PRKCB: variants seen among roughly 807,000 people sequenced by gnomAD.
PRKCB encodes the protein protein kinase C beta, also known as protein kinase C beta type.
In PRKCB, 13 loss-of-function variants were observed where a neutral mutation model predicts 81.5. That is an observed-to-expected ratio of 0.16 (90% CI 0.10 to 0.25). PRKCB has a LOEUF of 0.25. PRKCB is among the 10% of genes least tolerant of loss of function. PRKCB has a pLI of 1.00. For synonymous variants in PRKCB, 335 were observed against 321.4 expected, an observed-to-expected ratio of 1.04 and a Z score of -0.45; for missense variants, 509 against 875.7, an observed-to-expected ratio of 0.58 and a Z score of 5.29.
chr16:24,076,569 C>A (rs894938671), intron 5 of PRKCB, among the ~76,000 whole-genome samples: 5 of 152,138 alleles, frequency 3.3e-5, no homozygotes, highest in African/African-American at 1.2e-4. Flanking sequence ...GGATGACTCA[C>A]GTCTAGCTGC....
intron 2 of PRKCB, among the ~76,000 whole-genome samples, chr16:23,934,762 G>A (rs1176488597): frequency 6.6e-6 from 1 of 152,172 alleles, no homozygotes; most frequent in Admixed American, 6.5e-5. Flanking sequence ...CACATGGAGA[G>A]AGGAGATGGT....
chr16:23,954,156 C>T (rs1279069139), intron 2 of PRKCB, among the ~76,000 whole-genome samples: 2 of 151,956 alleles, frequency 1.3e-5, no homozygotes, highest in Non-Finnish European at 2.9e-5. Context: ...ATCATGTTGA[C>T]CAGGCTGGTC....
Position 23,920,393 on chromosome 16 carries a change from C to T in PRKCB, c.206-68115C>T, listed in dbSNP as rs144640825. Among the ~76,000 whole-genome samples, 135 of 152,264 alleles carry T rather than the reference C, an allele frequency of 8.9e-4. 2 individuals carry two copies. The East Asian group carries it at 0.023, about 26-fold the overall frequency. ...CTAGAATAAATTCTGGCATTTAAAC[C>T]GATTTTGTGGTTTTTCTGCAAATAA... is the stretch of plus-strand genomic sequence containing the variant. On this transcript the variant is annotated intron_variant, in intron 2 of 16. Transcript: ENST00000643927.
intron 12 of PRKCB, among the ~76,000 whole-genome samples, chr16:24,177,596 C>T (rs118050439): frequency 3.2e-4 from 49 of 152,232 alleles, no homozygotes; most frequent in African/African-American, 8.7e-4. Context: ...CAGAAACTAG[C>T]GGCCAAGGAA....
intron 3 of PRKCB, among the ~76,000 whole-genome samples, chr16:24,018,761 T>C (rs1965319746): frequency 6.6e-6 from 1 of 152,230 alleles, no homozygotes; most frequent in South Asian, 2.1e-4. Context: ...AGTGTTTACA[T>C]GGTGTTATTG....
At chr16:23,939,321 C>T (rs1964107185) in intron 2 of PRKCB, among the ~76,000 whole-genome samples, 1 of 152,160 alleles carries the variant, frequency 6.6e-6, no homozygotes, top group Non-Finnish European at 1.5e-5. Context: ...AATTGATATA[C>T]AGGTTTAATG....
chr16:24,053,804 C>T (rs935969255), intron 5 of PRKCB, among the ~76,000 whole-genome samples: 4 of 151,964 alleles, frequency 2.6e-5, no homozygotes, highest in East Asian at 1.9e-4. Flanking sequence ...CAAGGAGGCT[C>T]GTGTGTCTAA....
chr16:23,953,292 G>A (rs765189520), intron 2 of PRKCB, among the ~76,000 whole-genome samples: 3 of 152,092 alleles, frequency 2.0e-5, no homozygotes, highest in Admixed American at 6.5e-5. Flanking sequence ...ATTGACTTCG[G>A]GGCTGACATT....
chr16:23,980,676 G>A (rs1030512304), intron 2 of PRKCB, among the ~76,000 whole-genome samples: 2 of 152,064 alleles, frequency 1.3e-5, no homozygotes, highest in Non-Finnish European at 1.5e-5. Context: ...TGCAACTAGC[G>A]CTAGAATTTC....
intron 2 of PRKCB, among the ~76,000 whole-genome samples, chr16:23,852,719 C>A (rs1036081201): frequency 1.3e-5 from 2 of 152,208 alleles, no homozygotes; most frequent in East Asian, 1.9e-4. Context: ...ACCCTAGAAG[C>A]ATCATCTCAC....
intron 3 of PRKCB, among the ~76,000 whole-genome samples, chr16:24,009,274 C>T (rs760347690): frequency 5.9e-5 from 9 of 152,122 alleles, no homozygotes; most frequent in East Asian, 1.9e-4. Context: ...AACCTTCACA[C>T]GGGCTAAGGA....
At chr16:24,198,950 G>T (rs1171014611) in intron 16 of PRKCB, among the ~76,000 whole-genome samples, 1 of 152,120 alleles carries the variant, frequency 6.6e-6, no homozygotes, top group Non-Finnish European at 1.5e-5. Flanking sequence ...ATTCTAGCCT[G>T]TGTCAGGCCT....
intron 3 of PRKCB, among the ~76,000 whole-genome samples, chr16:24,025,693 C>T (rs2141849872): frequency 6.6e-6 from 1 of 152,270 alleles, no homozygotes; most frequent in Non-Finnish European, 1.5e-5. Flanking sequence ...ATCCCCAATG[C>T]CTAGGAAGAA....
At chr16:23,998,211 A>T (rs541604417) in intron 3 of PRKCB, among the ~76,000 whole-genome samples, 1 of 152,152 alleles carries the variant, frequency 6.6e-6, no homozygotes, top group South Asian at 2.1e-4. Context: ...ACCAGGACCT[A>T]CTCCATTGGC....
chr16:23,861,858 A>G (rs983704829), intron 2 of PRKCB, among the ~76,000 whole-genome samples: 9 of 152,226 alleles, frequency 5.9e-5, no homozygotes, highest in Non-Finnish European at 1.3e-4. Context: ...CCCTGAATTC[A>G]CTAATCTTGA....
intron 7 of PRKCB, among the ~76,000 whole-genome samples, chr16:24,110,584 AT>A (rs1264873661): frequency 1.4e-5 from 2 of 148,020 alleles, no homozygotes; most frequent in Non-Finnish European, 3.0e-5. Flanking sequence ...TGGTGCAATA[AT>A]AGCTCACTGC....
intron 2 of PRKCB, chr16:23,868,980 G>A (rs1962856101): frequency 2.7e-6 from 1 of 370,030 alleles, no homozygotes; most frequent in African/African-American, 2.1e-5. Context: ...TTTCACAGAT[G>A]CCGAAATAGA....
chr16:23,971,593 C>T (rs1213399666), intron 2 of PRKCB, among the ~76,000 whole-genome samples: 1 of 152,114 alleles, frequency 6.6e-6, no homozygotes, highest in Non-Finnish European at 1.5e-5. Flanking sequence ...GGGGTATTTC[C>T]ACCTGCAGCT....
chr16:24,000,965 A>G (rs2141830303), intron 3 of PRKCB, among the ~76,000 whole-genome samples: 1 of 147,450 alleles, frequency 6.8e-6, no homozygotes, highest in East Asian at 2.0e-4. Flanking sequence ...TTTAAAATAG[A>G]GAAAATAATA....
Sources: allele counts gnomAD v4.1 joint callset (sites outside exome capture counted in the v4.1 genomes callset), GRCh38; gene constraint gnomAD v4.1.1; transcripts MANE v1.5; gene names NCBI Gene and HGNC (gene_info 2026-07-23, HGNC 2026-07-21).